CREB5: variants seen among roughly 807,000 people sequenced by gnomAD.
CREB5 encodes the protein cyclic AMP-responsive element-binding protein 5.
A neutral mutation model predicts 57.1 loss-of-function variants in CREB5; 19 were observed. The observed-to-expected ratio is 0.33, with a 90% confidence interval of 0.23 to 0.49. CREB5 has a LOEUF of 0.49. Among genes scored for constraint, CREB5 ranks in the 20% least tolerant of loss-of-function variants. The probability of loss-of-function intolerance (pLI) is 0.99; values close to 1 mark genes in which losing one functional copy is unlikely to be tolerated. For synonymous variants in CREB5, 238 were observed against 238.3 expected (o/e 1.00, Z 0.01); for missense variants, 579 against 671.6 (o/e 0.86, Z 1.52).
At chr7:28,676,135 A>C (rs988268163) in intron 5 of CREB5, among the ~76,000 whole-genome samples, 5 of 152,150 alleles carry the variant, frequency 3.3e-5, no homozygotes, top group Admixed American at 6.5e-5. Flanking sequence ...CTAGGCTAGA[A>C]GATAGTACAT....
At chr7:28,427,141 CTT>C (rs1267123313) in intron 1 of CREB5, among the ~76,000 whole-genome samples, 1 of 152,200 alleles carries the variant, frequency 6.6e-6, no homozygotes, top group East Asian at 1.9e-4. Context: ...CGCCAAGAGT[CTT>C]ATAACCCTAA....
intron 1 of CREB5, among the ~76,000 whole-genome samples, chr7:28,480,590 G>A (rs1298015416): frequency 6.6e-6 from 1 of 152,164 alleles, no homozygotes; most frequent in African/African-American, 2.4e-5. Context: ...GAGGTTATAT[G>A]TTTAGTCCCA....
At chr7:28,726,789 C>T (rs1313640917) in intron 7 of CREB5, 2 of 152,150 alleles carry the variant, frequency 1.3e-5, no homozygotes, top group South Asian at 2.1e-4. Context: ...TTGCCCACAC[C>T]AAAACACTGC....
At chr7:28,534,950 A>G (rs1793894508) in intron 4 of CREB5, among the ~76,000 whole-genome samples, 2 of 141,234 alleles carry the variant, frequency 1.4e-5, no homozygotes, top group South Asian at 4.4e-4. Context: ...GATGTCCCGT[A>G]TCACCTCCCA....
intron 1 of CREB5, among the ~76,000 whole-genome samples, chr7:28,385,277 A>G (rs1169425077): frequency 6.6e-6 from 1 of 152,188 alleles, no homozygotes; most frequent in Non-Finnish European, 1.5e-5. Flanking sequence ...AAAAAAAAGA[A>G]TCTTGCTCGT....
At chr7:28,358,853 C>T (rs1349034307) in intron 1 of CREB5, among the ~76,000 whole-genome samples, 1 of 152,128 alleles carries the variant, frequency 6.6e-6, no homozygotes. Flanking sequence ...AGGATTCTTC[C>T]CCCTTAGTTC....
intron 4 of CREB5, among the ~76,000 whole-genome samples, chr7:28,528,855 G>A (rs544270252): frequency 2.9e-4 from 44 of 151,404 alleles, no homozygotes; most frequent in South Asian, 8.4e-4. Flanking sequence ...CCCTTCTTTG[G>A]CCATACTCTG....
intron 7 of CREB5, among the ~76,000 whole-genome samples, chr7:28,732,344 C>T (rs1412376646): frequency 1.3e-5 from 2 of 152,074 alleles, no homozygotes; most frequent in African/African-American, 2.4e-5. Context: ...ATTGCTGGGT[C>T]TTGTTTTTAT....
At chr7:28,619,665 C>G (rs1026501879) in intron 5 of CREB5, among the ~76,000 whole-genome samples, 2 of 152,238 alleles carry the variant, frequency 1.3e-5, no homozygotes, top group Admixed American at 1.3e-4. Context: ...ACCCTCATCT[C>G]TAAAATAAAT....
chr7:28,306,804 G>A (rs541305029), intron 1 of CREB5, among the ~76,000 whole-genome samples: 29 of 151,930 alleles, frequency 1.9e-4, no homozygotes, highest in Middle Eastern at 3.4e-3. Flanking sequence ...CTCGTGATCC[G>A]CCCGCCTCGG....
At chr7:28,575,333 T>C (rs1477651113) in intron 5 of CREB5, among the ~76,000 whole-genome samples, 1 of 152,148 alleles carries the variant, frequency 6.6e-6, no homozygotes, top group East Asian at 1.9e-4. Flanking sequence ...TCATTGTTGC[T>C]GGGGGTGGGG....
intron 5 of CREB5, among the ~76,000 whole-genome samples, chr7:28,712,407 C>G (rs1802441196): frequency 6.6e-6 from 1 of 150,552 alleles, no homozygotes; most frequent in South Asian, 2.1e-4. Context: ...ACTCGGGAGG[C>G]TGAAGCAGGA....
In CREB5 at chr7:28,820,087, C is replaced by T. The variant is rs995541981; in HGVS notation, c.*808C>T. On this transcript the variant is annotated 3_prime_UTR_variant, in exon 11 of 11. Transcript: ENST00000357727. ...ACAGCTGGAGTTCATTCAACTCTTGCTTTTCACAAAATAGTAACCAGGAGA... is the reference window on the plus strand; with the variant it reads ...ACAGCTGGAGTTCATTCAACTCTTGTTTTTCACAAAATAGTAACCAGGAGA... The T allele has an allele frequency of 6.6e-6, 1 of 151,822 alleles. No individual in the cohort carries two copies. Among genetic ancestry groups the T allele is most frequent in the African/African-American group, 2.4e-5 (1 of 41,352 alleles). The allele number at this position is 151,822 out of a possible 1,614,324, so 9.4% of individuals were successfully genotyped here.
At chr7:28,737,563 ATATATATATATATATATATAT>A (rs1562606570) in intron 7 of CREB5, among the ~76,000 whole-genome samples, 8,355 of 126,124 alleles carry the variant, frequency 0.066, 519 homozygotes, top group Non-Finnish European at 0.098. Context: ...ATATATATAT[ATATATATATATATATATATAT>A]ATATTTTTAA....
intron 7 of CREB5, among the ~76,000 whole-genome samples, chr7:28,739,382 T>A (rs1364164705): frequency 6.6e-6 from 1 of 151,782 alleles, no homozygotes; most frequent in Non-Finnish European, 1.5e-5. Context: ...ATCTGAAAGG[T>A]GAGAGGGGAG....
chr7:28,333,208 G>T (rs1785748988), intron 1 of CREB5, among the ~76,000 whole-genome samples: 1 of 152,008 alleles, frequency 6.6e-6, no homozygotes, highest in African/African-American at 2.4e-5. Flanking sequence ...CTTCAGCATG[G>T]TCTTTTTTCT....
intron 1 of CREB5, among the ~76,000 whole-genome samples, chr7:28,427,601 T>A (rs1788559119): frequency 1.3e-5 from 2 of 151,976 alleles, no homozygotes; most frequent in Admixed American, 1.3e-4. Flanking sequence ...CTGCCCTTCC[T>A]CCTCTCAACA....
chr7:28,330,166 G>A (rs371556977), intron 1 of CREB5, among the ~76,000 whole-genome samples: 1 of 152,268 alleles, frequency 6.6e-6, no homozygotes. Flanking sequence ...ACCACAGCCC[G>A]ATTCTCTCGT....
intron 7 of CREB5, among the ~76,000 whole-genome samples, chr7:28,800,181 T>C (rs574349107): frequency 1.3e-5 from 2 of 152,304 alleles, no homozygotes; most frequent in African/African-American, 4.8e-5. Context: ...ACTAGGACCA[T>C]ATAACAACAG....
Sources: allele counts gnomAD v4.1 joint callset (sites outside exome capture counted in the v4.1 genomes callset), GRCh38; gene constraint gnomAD v4.1.1; transcripts MANE v1.5; gene names NCBI Gene and HGNC (gene_info 2026-07-23, HGNC 2026-07-21).